Variants in RBSN observed in about 807,000 individuals in gnomAD.
The protein encoded by RBSN is rabenosyn, RAB effector, also known as rabenosyn-5.
A neutral mutation model predicts 60.5 loss-of-function variants in RBSN; 34 were observed. The observed-to-expected ratio is 0.56, with a 90% CI of 0.43 to 0.75. The LOEUF is 0.75. RBSN is among the 30% of genes least tolerant of loss of function. RBSN has a pLI of 0.00. For synonymous variants in RBSN, 322 were observed against 366.9 expected (o/e 0.88, Z 1.40); for missense variants, 845 against 986.8 (o/e 0.86, Z 1.92).
intron 4 of RBSN, among the ~76,000 whole-genome samples, chr3:15,093,864 G>A (rs2043580625): frequency 6.6e-6 from 1 of 151,816 alleles, no homozygotes; most frequent in African/African-American, 2.4e-5. Context: ...ATCATGCCCA[G>A]CTAATTAAAA....
chr3:15,075,063 C>T (rs1214363604), intron 13 of RBSN, 133 bp from the exon 14 acceptor site: 7 of 1,080,634 alleles, frequency 6.5e-6, no homozygotes, highest in African/African-American at 1.6e-5. Context: ...ACAAAGATAT[C>T]CAACTGCTAA....
Position 15,074,506 on chromosome 3 carries a change from G to A in RBSN, c.1631C>T (p.Thr544Ile), listed in dbSNP as rs182852255. 1.2e-5 allele frequency: 20 copies of A among 1,614,194 alleles called. No homozygotes were observed. The East Asian group carries it at 4.5e-4, about 36-fold the overall frequency. The change falls in exon 14 of 14, where the codon ACA (threonine) becomes ATA (isoleucine). Residue 544 changes from threonine to isoleucine, a missense_variant. Transcript: ENST00000253699. The surrounding 1 kb of genome is among the most constrained non-coding windows in gnomAD (Gnocchi z 6.4). ...TCTGAAGTCCAGGGACCGAGTCCGTGTGTGCAGGGATGCCACCCGAAACTG... is the reference window on the plus strand; with the variant it reads ...TCTGAAGTCCAGGGACCGAGTCCGTATGTGCAGGGATGCCACCCGAAACTG... ...REQFRVASLH[T>I]RTRSLDFREI...
intron 4 of RBSN, among the ~76,000 whole-genome samples, chr3:15,095,097 T>G (rs973591385): frequency 6.6e-6 from 1 of 152,110 alleles, no homozygotes; most frequent in African/African-American, 2.4e-5. Flanking sequence ...CACTACAGCC[T>G]TGACCTCCCT....
intron 10 of RBSN, 68 bp downstream of exon 10, chr3:15,080,664 G>A (rs1196955137): frequency 8.1e-6 from 12 of 1,476,292 alleles, no homozygotes; most frequent in Non-Finnish European, 1.1e-5. Context: ...TTTGGCTACT[G>A]GAGAATTGAC....
At chr3:15,080,347 C>T (rs2043173029) in intron 10 of RBSN, among the ~76,000 whole-genome samples, 1 of 152,040 alleles carries the variant, frequency 6.6e-6, no homozygotes, top group African/African-American at 2.4e-5. Context: ...GCCCTGACAC[C>T]TCAATGTGAC....
chr3:15,085,801 T>A, intron 6 of RBSN, 60 bp downstream of exon 6: 1 of 1,372,962 alleles, frequency 7.3e-7, no homozygotes, highest in Non-Finnish European at 1.0e-6. Context: ...GAAATGTGAT[T>A]ATTTTTCCCC....
At chr3:15,090,872 G>A (rs1454430236) in intron 4 of RBSN, among the ~76,000 whole-genome samples, 2 of 152,148 alleles carry the variant, frequency 1.3e-5, no homozygotes, top group African/African-American at 4.8e-5. Flanking sequence ...TGATGGAAGT[G>A]TTTTCTTCTT....
chr3:15,089,484 A>AAAC (rs1216639983), intron 5 of RBSN, among the ~76,000 whole-genome samples: 11 of 150,246 alleles, frequency 7.3e-5, no homozygotes, highest in Admixed American at 2.0e-4. Context: ...AAAACAAAAA[A>AAAC]AAAAAACAGA....
chr3:15,098,323 G>T (rs984772017), intron 1 of RBSN, 49 bp from the exon 2 acceptor site: 1 of 151,876 alleles, frequency 6.6e-6, no homozygotes, highest in African/African-American at 2.4e-5. Flanking sequence ...AATGAACGAA[G>T]AAATGAATGA....
At chr3:15,085,986 CAA>C (rs778583012) in intron 5 of RBSN, 25 bp from the exon 6 acceptor site, 2 of 1,549,276 alleles carry the variant, frequency 1.3e-6, no homozygotes, top group Non-Finnish European at 1.8e-6. Flanking sequence ...GGTAGGGAGA[CAA>C]ATGACTTATA....
chr3:15,083,927 T>C (rs970689549), intron 8 of RBSN, among the ~76,000 whole-genome samples: 2 of 152,150 alleles, frequency 1.3e-5, no homozygotes, highest in East Asian at 3.9e-4. Flanking sequence ...TACATCTCTC[T>C]TTAGAAAGCA....
At chr3:15,085,182 C>A in intron 6 of RBSN, 137 bp from the exon 7 acceptor site, 1 of 1,032,490 alleles carries the variant, frequency 9.7e-7, no homozygotes, top group Non-Finnish European at 1.4e-6. Flanking sequence ...GCCACAAAAT[C>A]ACAAAAACAA....
At chr3:15,087,061 A>C (rs1297085981) in intron 5 of RBSN, among the ~76,000 whole-genome samples, 1 of 152,228 alleles carries the variant, frequency 6.6e-6, no homozygotes, top group Non-Finnish European at 1.5e-5. Flanking sequence ...AAAATTGCAT[A>C]TATTCACCGT....
chr3:15,075,609 T>C lies in RBSN; in HGVS notation c.1203A>G (p.Arg401=). Residue 401 remains arginine, a synonymous_variant, in exon 13 of 14, where the codon AGA becomes AGG. Coordinates refer to ENST00000253699, the MANE Select transcript of RBSN (RefSeq NM_022340.4). ...CCATATCCCTGGCTTCACTCACTTG[T>C]CTCTCCACGGCCCTCTTCCTCTCCA... ...EEMERKRAVE[R]QAALESQRRL... 1 of 1,613,852 alleles carries C rather than the reference T, an allele frequency of 6.2e-7. No individual in the cohort carries two copies. Among genetic ancestry groups the C allele is most frequent in the Non-Finnish European group, 8.5e-7 (1 of 1,179,744 alleles).
intron 9 of RBSN, 80 bp from the exon 10 acceptor site, chr3:15,080,882 G>GC: frequency 1.1e-5 from 12 of 1,125,674 alleles, no homozygotes; most frequent in Non-Finnish European, 1.6e-5. Context: ...CATCAATGGA[G>GC]CTATATTTAA....
rs1218245807 is a variant in RBSN at position 15,081,116 on chromosome 3, C to T, written c.841-314G>A. 4 of 239,688 alleles carry T rather than the reference C, an allele frequency of 1.7e-5. No homozygotes were observed. In the East Asian group the frequency reaches 2.9e-4, roughly 17 times the overall value. 14.8% of individuals were successfully genotyped at this position (239,688 alleles called of 1,614,324 possible). On this transcript the variant is annotated intron_variant, in intron 9 of 13. Coordinates refer to ENST00000253699, the MANE Select transcript of RBSN (RefSeq NM_022340.4). ...GCAACCTCTGCCTCCTGGGCTCAAG[C>T]GATTCTCATGCCTCGGCGTCCTGAG...
chr3:15,076,589 G>C (rs2043062035), intron 12 of RBSN, among the ~76,000 whole-genome samples: 1 of 152,204 alleles, frequency 6.6e-6, no homozygotes, highest in Non-Finnish European at 1.5e-5. Flanking sequence ...TAACCACTTA[G>C]GTTAGTCTGC....
In RBSN at chr3:15,096,359, TC is replaced by T. The variant is rs376034329; in HGVS notation, c.-168-72del. 8.2e-4 allele frequency: 354 copies of T among 430,740 alleles called. 3 individuals carry two copies. In the South Asian group the frequency reaches 0.021, roughly 25 times the overall value. The allele number at this position is 430,740 out of a possible 1,614,324, so 26.7% of individuals were successfully genotyped here. On this transcript the variant is annotated intron_variant, in intron 3 of 13. Coordinates refer to ENST00000253699, the MANE Select transcript of RBSN (RefSeq NM_022340.4). ...GGTAGCAATTGAGGATTTTCTTCAT[TC>T]TTTTCACAGTTCAATGGGGTACTTA...
At position 15,084,753 on chromosome 3, in the gene RBSN, T is replaced by G; in HGVS notation, c.580A>C (p.Ile194Leu). 2 of 1,604,796 alleles carry G rather than the reference T, an allele frequency of 1.2e-6. No homozygotes were observed. The highest frequency in any genetic ancestry group is 1.7e-6 in the Non-Finnish European group (2 of 1,176,240). The change falls in exon 8 of 14, where the codon ATC (isoleucine) becomes CTC (leucine). Residue 194 changes from isoleucine to leucine, a missense_variant. Ile to Leu is a conservative substitution (Grantham distance 5, BLOSUM62 2). Coordinates refer to ENST00000253699, the MANE Select transcript of RBSN (RefSeq NM_022340.4). This position sits in a 1 kb window ranked among gnomAD's most constrained non-coding sequence, Gnocchi z 4.2. ...CACCTACTTGCCAAGGGAAGGCTGA[T>G]GAGCTCCATACACTTCTTGCACATA... ...SIMCKKCMEL[I>L]SLPLANKLTS...
Sources: gnomAD v4.1 joint callset for allele counts (sites outside exome capture counted in the v4.1 genomes callset) on GRCh38, gnomAD v4.1.1 for gene constraint, Gnocchi (gnomAD v3.1) non-coding constraint, MANE v1.5 for transcripts, NCBI Gene and HGNC (gene_info 2026-07-23, HGNC 2026-07-21) for gene names.